GRM7: variants seen among roughly 807,000 people sequenced by gnomAD.
GRM7 encodes the protein metabotropic glutamate receptor 7.
Under a neutral mutation model 84.5 loss-of-function variants are expected in GRM7, and 35 were observed. That is an observed-to-expected ratio of 0.41 (90% CI 0.32 to 0.55). The LOEUF is 0.55. Ranked by LOEUF, GRM7 falls within the 20% of genes least tolerant of loss-of-function variation. GRM7 has a pLI of 0.19. For missense variants in GRM7, 1,003 were observed against 1,194.6 expected (o/e 0.84, Z 2.36); for synonymous variants, 487 against 455.1 (o/e 1.07, Z -0.89).
intron 1 of GRM7, among the ~76,000 whole-genome samples, chr3:6,909,888 A>G (rs1016969657): frequency 4.2e-4 from 64 of 152,242 alleles, no homozygotes; most frequent in Middle Eastern, 3.4e-3. Context: ...TAGAAAAAGT[A>G]GTTTTCAAGA....
At chr3:7,729,152 T>C (rs768671607) in intron 9 of GRM7, among the ~76,000 whole-genome samples, 106 of 152,088 alleles carry the variant, frequency 7.0e-4, no homozygotes, top group Admixed American at 3.1e-3. Flanking sequence ...CACGCTGAAA[T>C]TGATTGGTAA....
intron 1 of GRM7, among the ~76,000 whole-genome samples, chr3:7,116,103 A>AT (rs1693022535): frequency 6.6e-6 from 1 of 152,112 alleles, no homozygotes; most frequent in Non-Finnish European, 1.5e-5. Flanking sequence ...AGCATATTTC[A>AT]GGGGTGCATA....
At chr3:7,560,476 C>G (rs1328711352) in intron 7 of GRM7, 5 of 152,044 alleles carry the variant, frequency 3.3e-5, no homozygotes, top group Non-Finnish European at 2.9e-5. Context: ...GATGCATTCT[C>G]TGATTTTTGT....
chr3:7,210,558 G>A (rs1389278717), intron 2 of GRM7, among the ~76,000 whole-genome samples: 1 of 152,076 alleles, frequency 6.6e-6, no homozygotes, highest in African/African-American at 2.4e-5. Context: ...CACCACAGAT[G>A]GAATTTTAAT....
At chr3:7,621,070 A>T (rs998582253) in intron 8 of GRM7, among the ~76,000 whole-genome samples, 1 of 152,092 alleles carries the variant, frequency 6.6e-6, no homozygotes, top group African/African-American at 2.4e-5. Flanking sequence ...TTCCCACCCC[A>T]CATGAATTCA....
intron 1 of GRM7, among the ~76,000 whole-genome samples, chr3:6,896,025 T>C (rs922846596): frequency 6.6e-6 from 1 of 152,176 alleles, no homozygotes; most frequent in East Asian, 1.9e-4. Context: ...ATAAAGCATA[T>C]TTCTAATCAA....
At chr3:7,117,418 C>A (rs995168741) in intron 1 of GRM7, among the ~76,000 whole-genome samples, 1 of 152,198 alleles carries the variant, frequency 6.6e-6, no homozygotes, top group Non-Finnish European at 1.5e-5. Flanking sequence ...CCTTGGAACC[C>A]ATAGACTAAC....
rs1013457876 is a variant in GRM7, at chr3:6,890,690, GA to G, written c.519+28790del. Among the ~76,000 whole-genome samples the G allele has an allele frequency of 2.0e-3, 298 of 152,188 alleles. 1 individual carries two copies. Among genetic ancestry groups the G allele is most frequent in the African/African-American group, 6.6e-3 (274 of 41,534 alleles). On this transcript the variant is annotated intron_variant, in intron 1 of 9. Transcript: ENST00000357716. ...TTTGGAATAGGTGTGGTGTGGTGCT[GA>G]AAAAAATGTATATTCTGTTGATTTG... is the stretch of plus-strand genomic sequence containing the variant.
chr3:7,655,719 T>C (rs536677088), intron 8 of GRM7, among the ~76,000 whole-genome samples: 1 of 152,234 alleles, frequency 6.6e-6, no homozygotes, highest in East Asian at 1.9e-4. Context: ...CGCTGAGGGT[T>C]TCATAACAGG....
intron 1 of GRM7, among the ~76,000 whole-genome samples, chr3:6,940,074 C>T (rs552289552): frequency 1.3e-5 from 2 of 151,884 alleles, no homozygotes; most frequent in African/African-American, 2.4e-5. Flanking sequence ...ACTTTTGAAA[C>T]GTTTTTAATT....
intron 1 of GRM7, among the ~76,000 whole-genome samples, chr3:7,031,568 C>T (rs970070828): frequency 2.6e-5 from 4 of 151,968 alleles, no homozygotes; most frequent in African/African-American, 4.8e-5. Context: ...AGGCGCCCGC[C>T]ACCACGCCCA....
At chr3:6,969,735 A>G (rs938934057) in intron 1 of GRM7, among the ~76,000 whole-genome samples, 1 of 152,174 alleles carries the variant, frequency 6.6e-6, no homozygotes, top group African/African-American at 2.4e-5. Flanking sequence ...TAGGAAGTTA[A>G]CAATTCCACC....
At position 6,958,646 on chromosome 3, in the gene GRM7, T is replaced by C. The variant is rs545068414; in HGVS notation, c.519+96739T>C. Reference sequence around the variant, plus strand: ...GACCTTACATAACCGATGTCTGACATGTATCTGAGAGTTGAAGCTGAGTTA... The same window carrying C: ...GACCTTACATAACCGATGTCTGACACGTATCTGAGAGTTGAAGCTGAGTTA... On this transcript the variant is annotated intron_variant, in intron 1 of 9. Coordinates refer to ENST00000357716, the MANE Select transcript of GRM7 (RefSeq NM_000844.4). Among the ~76,000 whole-genome samples the C allele has an allele frequency of 5.3e-5, 8 of 152,316 alleles. No individual in the cohort carries two copies. In the South Asian group the frequency reaches 1.7e-3, roughly 32 times the overall value.
At chr3:7,694,967 T>C (rs969943943) in intron 9 of GRM7, among the ~76,000 whole-genome samples, 1 of 152,194 alleles carries the variant, frequency 6.6e-6, no homozygotes, top group East Asian at 1.9e-4. Context: ...GAAACAGTCT[T>C]ATTTTTTAAA....
chr3:7,395,550 G>A (rs1396674847), intron 4 of GRM7, among the ~76,000 whole-genome samples: 1 of 152,044 alleles, frequency 6.6e-6, no homozygotes, highest in Admixed American at 6.6e-5. Flanking sequence ...ACATGTCAAG[G>A]GTGGGGCCAG....
intron 4 of GRM7, among the ~76,000 whole-genome samples, chr3:7,410,596 T>TAC (rs767671354): frequency 0.023 from 1,546 of 68,672 alleles, 26 homozygotes; most frequent in African/African-American, 0.067. Flanking sequence ...TATATATATA[T>TAC]ATACACACAC....
At chr3:7,090,993 A>C (rs1698644018) in intron 1 of GRM7, among the ~76,000 whole-genome samples, 1 of 152,160 alleles carries the variant, frequency 6.6e-6, no homozygotes, top group African/African-American at 2.4e-5. Flanking sequence ...GAACATTAAA[A>C]ATTTGTTTCC....
chr3:7,159,964 A>G (rs1694572897), intron 2 of GRM7, among the ~76,000 whole-genome samples: 1 of 152,204 alleles, frequency 6.6e-6, no homozygotes, highest in Non-Finnish European at 1.5e-5. Context: ...AGCATTACCC[A>G]TGCTATTATG....
chr3:7,576,223 A>G (rs1564841), intron 7 of GRM7, among the ~76,000 whole-genome samples: 34,537 of 152,134 alleles, frequency 0.23, 4,810 homozygotes, highest in Non-Finnish European at 0.29. Context: ...CTCTCTTGTC[A>G]TAAGTTATTT....
Sources: gnomAD v4.1 joint callset for allele counts (sites outside exome capture counted in the v4.1 genomes callset) on GRCh38, gnomAD v4.1.1 for gene constraint, MANE v1.5 for transcripts, NCBI Gene and HGNC (gene_info 2026-07-23, HGNC 2026-07-21) for gene names.